KAZN: variants seen among roughly 807,000 people sequenced by gnomAD.
KAZN encodes kazrin, periplakin interacting protein, also known as kazrin.
KAZN carries 40 observed loss-of-function variants against 87.4 expected under a neutral mutation model. The ratio of observed to expected loss-of-function variants is 0.46; its 90% CI spans 0.36 to 0.60. KAZN has a LOEUF of 0.60. Among genes scored for constraint, KAZN ranks in the 20% least tolerant of loss-of-function variants. The pLI is 0.00. For missense variants in KAZN, 898 were observed against 1,073.9 expected (o/e 0.84, Z 2.29); for synonymous variants, 466 against 458.3 (o/e 1.02, Z -0.22).
In KAZN at chr1:15,011,291, G is replaced by A. The variant is rs573123548; in HGVS notation, c.419-23458G>A. The stretch of plus-strand genomic sequence containing the variant: ...AGAGGTAAAGTGATCATATGCTCTT[G>A]TTATCTCTAAATCCCAGGGCTCCTG... On this transcript the variant is annotated intron_variant, in intron 2 of 14. Coordinates refer to ENST00000376030, the MANE Select transcript of KAZN (RefSeq NM_201628.3). Among the ~76,000 whole-genome samples, 28 of 152,302 alleles carry A rather than the reference G, an allele frequency of 1.8e-4. No individual in the cohort carries two copies. The East Asian group carries it at 4.1e-3, about 22-fold the overall frequency.
chr1:14,567,822 C>T (rs1006145687), intron 2 of KAZN, among the ~76,000 whole-genome samples: 1 of 152,050 alleles, frequency 6.6e-6, no homozygotes, highest in African/African-American at 2.4e-5. Flanking sequence ...GCTAAAAGAC[C>T]CCTCCTCTGA....
chr1:14,810,142 T>A (rs949433230), intron 1 of KAZN, among the ~76,000 whole-genome samples: 1 of 152,152 alleles, frequency 6.6e-6, no homozygotes, highest in Admixed American at 6.5e-5. Context: ...TAATCATTAT[T>A]GATCAATATT....
intron 2 of KAZN, among the ~76,000 whole-genome samples, chr1:14,503,507 A>G (rs1430385682): frequency 2.0e-5 from 3 of 149,402 alleles, no homozygotes; most frequent in African/African-American, 7.5e-5. Flanking sequence ...CAATGAATTG[A>G]TATGTGTAGA....
chr1:14,463,429 C>T (rs143410553), intron 2 of KAZN, among the ~76,000 whole-genome samples: 140 of 152,312 alleles, frequency 9.2e-4, no homozygotes, highest in African/African-American at 3.2e-3. Context: ...TCCTCCACAT[C>T]AAGTTTCCTC....
intron 1 of KAZN, among the ~76,000 whole-genome samples, chr1:14,737,725 A>G (rs1643951939): frequency 6.6e-6 from 1 of 152,086 alleles, no homozygotes; most frequent in Admixed American, 6.6e-5. Flanking sequence ...ATTGATGGAA[A>G]TCTGTTCTTT....
intron 2 of KAZN, among the ~76,000 whole-genome samples, chr1:14,508,989 G>A (rs943306443): frequency 3.3e-5 from 5 of 152,174 alleles, no homozygotes; most frequent in African/African-American, 1.2e-4. Flanking sequence ...CAGAGCTAAG[G>A]GCTTATTGGA....
intron 2 of KAZN, among the ~76,000 whole-genome samples, chr1:14,497,334 CTAAAAAAAA>C (rs750441829): frequency 0.11 from 2,291 of 20,380 alleles, 23 homozygotes; most frequent in South Asian, 0.2. Context: ...AATTCTGTTA[CTAAAAAAAA>C]AAAAAAAAAA....
At chr1:14,382,937 G>T (rs35116741) in intron 2 of KAZN, among the ~76,000 whole-genome samples, 6 of 150,654 alleles carry the variant, frequency 4.0e-5, no homozygotes, top group Non-Finnish European at 5.9e-5. Context: ...TCCCACCAAC[G>T]GTGTAAAAGT....
At chr1:14,080,334 G>T (rs372149090) in intron 1 of KAZN, among the ~76,000 whole-genome samples, 1 of 152,254 alleles carries the variant, frequency 6.6e-6, no homozygotes, top group East Asian at 1.9e-4. Flanking sequence ...GTGGTTTTAG[G>T]CTTCTAAGAC....
intron 1 of KAZN, among the ~76,000 whole-genome samples, chr1:14,065,744 T>G (rs1364797840): frequency 1.3e-5 from 2 of 152,204 alleles, no homozygotes; most frequent in Non-Finnish European, 2.9e-5. Context: ...CGTGTGCATC[T>G]TTGTTGTGAA....
intron 2 of KAZN, among the ~76,000 whole-genome samples, chr1:14,386,823 T>A (rs1374519787): frequency 6.6e-6 from 1 of 152,100 alleles, no homozygotes; most frequent in African/African-American, 2.4e-5. Flanking sequence ...AGTATCTTTG[T>A]GGCGTTCTCT....
chr1:14,751,937 GA>G (rs61358140), intron 1 of KAZN, among the ~76,000 whole-genome samples: 4,163 of 152,184 alleles, frequency 0.027, 95 homozygotes, highest in South Asian at 0.066. Flanking sequence ...AATTTAAGAA[GA>G]AAAAAAGTTT....
chr1:14,284,715 T>C (rs1433794358), intron 2 of KAZN, among the ~76,000 whole-genome samples: 4 of 152,122 alleles, frequency 2.6e-5, no homozygotes, highest in African/African-American at 9.7e-5. Flanking sequence ...TGGGAGACCA[T>C]AGAGCAGCCC....
At chr1:14,691,794 TC>T (rs1465944161) in intron 1 of KAZN, among the ~76,000 whole-genome samples, 1 of 152,144 alleles carries the variant, frequency 6.6e-6, no homozygotes, top group East Asian at 1.9e-4. Context: ...GCCTGGCCTG[TC>T]TTCATCTTTA....
intron 2 of KAZN, among the ~76,000 whole-genome samples, chr1:14,189,642 T>A (rs1210988485): frequency 6.6e-6 from 1 of 152,134 alleles, no homozygotes; most frequent in Non-Finnish European, 1.5e-5. Context: ...ATTTCCATAG[T>A]GGTGATAGGG....
At position 14,070,579 on chromosome 1, in the gene KAZN, C is replaced by T. The variant is rs533561492; in HGVS notation, c.92-109856C>T. Reference sequence around the variant, plus strand: ...TGTAAAAAAAGTCATTTCTACAGTGCTGTGGCCACCATTATTGTTGAGAGA... The same window carrying T: ...TGTAAAAAAAGTCATTTCTACAGTGTTGTGGCCACCATTATTGTTGAGAGA... On this transcript the variant is annotated intron_variant, in intron 1 of 16. Coordinates refer to the KAZN transcript ENST00000636203. 3.9e-5 allele frequency among the ~76,000 whole-genome samples: 6 copies of T among 152,332 alleles called. 2 individuals carry two copies. The highest frequency in any genetic ancestry group is 9.6e-5 in the African/African-American group (4 of 41,584).
intron 1 of KAZN, among the ~76,000 whole-genome samples, chr1:13,927,497 A>G (rs746225311): frequency 6.6e-6 from 1 of 152,214 alleles, no homozygotes; most frequent in Non-Finnish European, 1.5e-5. Flanking sequence ...GAGGTGGGTT[A>G]GGAGTTTGGT....
At chr1:13,977,866 G>T (rs951207049) in intron 1 of KAZN, among the ~76,000 whole-genome samples, 4 of 152,266 alleles carry the variant, frequency 2.6e-5, no homozygotes, top group Admixed American at 2.6e-4. Flanking sequence ...GGTGGCTCAC[G>T]CCTGTAATCC....
intron 2 of KAZN, among the ~76,000 whole-genome samples, chr1:14,181,931 C>G (rs1207583330): frequency 6.6e-6 from 1 of 152,124 alleles, no homozygotes; most frequent in Non-Finnish European, 1.5e-5. Flanking sequence ...TTTGCAAAAC[C>G]TAAGGTACTG....
Sources: allele counts gnomAD v4.1 joint callset (sites outside exome capture counted in the v4.1 genomes callset), GRCh38; gene constraint gnomAD v4.1.1; transcripts MANE v1.5; gene names NCBI Gene and HGNC (gene_info 2026-07-23, HGNC 2026-07-21).